CARNS1: variants seen among roughly 807,000 people sequenced by gnomAD.
CARNS1 encodes the protein ATP-grasp domain containing 1.
A neutral mutation model predicts 74.0 loss-of-function variants in CARNS1; 61 were observed. The ratio of observed to expected loss-of-function variants is 0.82; its 90% CI spans 0.67 to 1.02. CARNS1 has a LOEUF of 1.02. Ranked by LOEUF, CARNS1 falls within the 50% of genes least tolerant of loss-of-function variation. The probability of loss-of-function intolerance (pLI) is 0.00; values close to 1 mark genes in which losing one functional copy is unlikely to be tolerated. For missense variants in CARNS1, 1,278 were observed against 1,308.4 expected, an observed-to-expected ratio of 0.98 and a Z score of 0.36; for synonymous variants, 568 against 605.5, an observed-to-expected ratio of 0.94 and a Z score of 0.91.
chr11:67,419,540 G>A lies in CARNS1; in HGVS notation c.906G>A (p.Leu302=), dbSNP rs370411760. ...WRWRGRQAWR[L]HPRAELGAVV... is the part of the protein sequence containing the mutation. ...GGCGGGGGCGGCAGGCATGGCGTCT[G>A]CACCCGCGGGCAGAGCTGGGTGCAG... Residue 302 remains leucine, a synonymous_variant, in exon 6 of 10, where the codon CTG becomes CTA. Coordinates refer to ENST00000687366, the MANE Select transcript of CARNS1 (RefSeq NM_001166222.2). The A allele has an allele frequency of 2.1e-4, 334 of 1,607,890 alleles. No individual in the cohort carries two copies. Among genetic ancestry groups the A allele is most frequent in the Non-Finnish European group, 2.4e-4 (288 of 1,178,746 alleles).
intron 2 of CARNS1, chr11:67,417,013 G>A (rs1039115027): frequency 2.0e-6 from 2 of 1,005,410 alleles, no homozygotes; most frequent in African/African-American, 3.4e-5. Flanking sequence ...CTACTCTTCA[G>A]TCAACAAACA....
chr11:67,424,669 C>T lies in CARNS1; in HGVS notation c.*68C>T. The stretch of plus-strand genomic sequence containing the variant: ...CTGTGGTGCCCTCTGCTCCCTGGAG[C>T]TCTTCCTGCTTCTCTCCCCATCACC... On this transcript the variant is annotated 3_prime_UTR_variant, in exon 10 of 10. Transcript: ENST00000687366. The T allele has an allele frequency of 6.9e-7, 1 of 1,456,912 alleles. No individual in the cohort carries two copies. The highest frequency in any genetic ancestry group is 9.2e-7 in the Non-Finnish European group (1 of 1,092,784). 90.2% of individuals were successfully genotyped at this position (1,456,912 alleles called of 1,614,324 possible). A position where few individuals can be genotyped will look rare whatever the true frequency, so the allele number is the denominator to read the frequency against.
rs191718280 is a variant in CARNS1 at position 67,422,769 on chromosome 11, C to G, written c.1627-606C>G. 7.9e-5 allele frequency among the ~76,000 whole-genome samples: 12 copies of G among 152,348 alleles called. 2 individuals carry two copies. Among genetic ancestry groups the G allele is most frequent in the African/African-American group, 2.9e-4 (12 of 41,584 alleles). On this transcript the variant is annotated intron_variant, in intron 9 of 9. Transcript: ENST00000687366. ...CACCACCTCTGTGTCCCCTGCCTTGCTCAGTGTTTTCTCCACTTGGAATGT... is the reference window on the plus strand; with the variant it reads ...CACCACCTCTGTGTCCCCTGCCTTGGTCAGTGTTTTCTCCACTTGGAATGT...
intron 2 of CARNS1, 68 bp from the exon 3 acceptor site, chr11:67,417,339 C>T: frequency 3.1e-6 from 4 of 1,280,586 alleles, no homozygotes; most frequent in Non-Finnish European, 4.0e-6. Context: ...GGGGGGCTTA[C>T]ACCCTTGGGT....
Position 67,421,191 on chromosome 11 carries a change from G to C in CARNS1, c.1598G>C (p.Trp533Ser). The C allele has an allele frequency of 1.3e-6, 2 of 1,494,336 alleles. No individual in the cohort carries two copies. Among genetic ancestry groups the C allele is most frequent in the Non-Finnish European group, 1.8e-6 (2 of 1,128,022 alleles). The allele number at this position is 1,494,336 out of a possible 1,614,324, so 92.6% of individuals were successfully genotyped here. A position where few individuals can be genotyped will look rare whatever the true frequency, so the allele number is the denominator to read the frequency against. ...GGCGGCGTCAGCAAGAAGTTCGTGT[G>C]GGAGGCGGCGCGCGACTACGGGCTC... is the stretch of plus-strand genomic sequence containing the variant. ...GAGGVSKKFV[W>S]EAARDYGLQL... The change falls in exon 9 of 10, where the codon TGG becomes TCG. Residue 533 changes from tryptophan (W) to serine (S), a missense_variant. Trp to Ser is a radical substitution (Grantham distance 177). Around this residue, in one of 3 missense-constraint regions of CARNS1, gnomAD observed 1,164 missense variants for 1,156.5 expected, o/e 1.01. Transcript: ENST00000687366.
intron 9 of CARNS1, among the ~76,000 whole-genome samples, chr11:67,421,739 C>T (rs1863711359): frequency 6.6e-6 from 1 of 151,986 alleles, no homozygotes; most frequent in Non-Finnish European, 1.5e-5. Context: ...TTTGTTTTTT[C>T]TTTTTTGAGA....
chr11:67,423,702 T>G lies in CARNS1; in HGVS notation c.1954T>G (p.Cys652Gly). 6.3e-7 allele frequency: 1 copy of G among 1,582,986 alleles called. No homozygotes were observed. Among genetic ancestry groups the G allele is most frequent in the South Asian group, 1.1e-5 (1 of 88,008 alleles). ...TGCGCCCTCCCTCCATGCTGTGCCCTGCTGCCCACTGGAGAGTGAGGCTGA... is the reference window on the plus strand; with the variant it reads ...TGCGCCCTCCCTCCATGCTGTGCCCGGCTGCCCACTGGAGAGTGAGGCTGA... ...WPAPSLHAVP[C>G]CPLESEADVE... Residue 652 changes from cysteine (C) to glycine (G), a missense_variant, in exon 10 of 10, where the codon TGC (cysteine) becomes GGC (glycine). Coordinates refer to ENST00000687366, the MANE Select transcript of CARNS1 (RefSeq NM_001166222.2). The surrounding 1 kb of genome is among the most constrained non-coding windows in gnomAD (Gnocchi z 5.1).
In CARNS1 at chr11:67,420,673, T is replaced by C; in HGVS notation, c.1178T>C (p.Leu393Pro). 7.9e-7 allele frequency: 1 copy of C among 1,261,338 alleles called. No homozygotes were observed. The highest frequency in any genetic ancestry group is 9.9e-7 in the Non-Finnish European group (1 of 1,005,046). 78.1% of individuals were successfully genotyped at this position (1,261,338 alleles called of 1,614,324 possible). The change falls in exon 8 of 10, where the codon CTG becomes CCG. Residue 393 changes from leucine (L) to proline (P), a missense_variant. By Grantham distance (98) the Leu-to-Pro change is moderately conservative. Around this residue, in one of 3 missense-constraint regions of CARNS1, gnomAD observed 1,164 missense variants for 1,156.5 expected, o/e 1.01. Coordinates refer to ENST00000687366, the MANE Select transcript of CARNS1 (RefSeq NM_001166222.2). ...LRHHNSLPRT[L>P]EVALAQCGLG... is the part of the protein sequence containing the mutation. ...CACCACAACTCCCTGCCGAGGACGC[T>C]GGAGGTGGCGCTGGCCCAGTGCGGC...
chr11:67,416,626 G>T (rs1223685280), intron 2 of CARNS1: 2 of 1,009,458 alleles, frequency 2.0e-6, no homozygotes, highest in Middle Eastern at 1.0e-3. Context: ...GAGACCTCAC[G>T]ACTTGCTCAA....
In CARNS1 at chr11:67,418,737, T is replaced by C; in HGVS notation, c.365-19T>C. On this transcript the variant is annotated intron_variant, in intron 4 of 9. Transcript: ENST00000687366. ...CATCAAGCCTTCCCTGGCCAGCCAC[T>C]TGCCTTCTCTGCCCACAGGAAACAT... is the stretch of plus-strand genomic sequence containing the variant. 1 of 1,556,494 alleles carries C rather than the reference T, an allele frequency of 6.4e-7. No homozygotes were observed. The highest frequency in any genetic ancestry group is 8.7e-7 in the Non-Finnish European group (1 of 1,149,232).
chr11:67,419,583 G>T lies in CARNS1; in HGVS notation c.949G>T (p.Ala317Ser). 1 of 1,606,470 alleles carries T rather than the reference G, an allele frequency of 6.2e-7. No individual in the cohort carries two copies. Residue 317 changes from alanine to serine, a missense_variant, in exon 6 of 10, where the codon GCG (alanine) becomes TCG (serine). Coordinates refer to ENST00000687366, the MANE Select transcript of CARNS1 (RefSeq NM_001166222.2). ...GGGTGCAGTGGTGGACACAGTGCTG[G>T]CGCTGCTGGAGAAGCTGGAGGAGGA... ...ELGAVVDTVL[A>S]LLEKLEEEES...
chr11:67,421,883 A>G lies in CARNS1; in HGVS notation c.1626+664A>G, dbSNP rs899501341. ...GCTGAGACTACAGGCACGTGCCACC[A>G]TGCCCAGCTAATTTTTTTTTTTTGA... On this transcript the variant is annotated intron_variant, in intron 9 of 9. Transcript: ENST00000687366. Among the ~76,000 whole-genome samples the G allele has an allele frequency of 6.8e-4, 103 of 150,676 alleles. 2 individuals carry two copies. Among genetic ancestry groups the G allele is most frequent in the Non-Finnish European group, 1.6e-4 (11 of 67,722 alleles).
rs929630629 is a variant in CARNS1 at position 67,421,140 on chromosome 11, G to C, written c.1547G>C (p.Gly516Ala). The C allele has an allele frequency of 2.3e-5, 35 of 1,489,996 alleles. No homozygotes were observed. The East Asian group carries it at 9.4e-4, about 40-fold the overall frequency. The allele number at this position is 1,489,996 out of a possible 1,614,324, so 92.3% of individuals were successfully genotyped here. ...LRRSARCLME[G>A]KQLLVVGAGG... is the part of the protein sequence containing the mutation. ...CGGTCGGCGCGCTGCCTCATGGAGG[G>C]AAAACAGCTGCTGGTGGTCGGCGCT... Residue 516 changes from glycine to alanine, a missense_variant, in exon 9 of 10, where the codon GGA (glycine) becomes GCA (alanine). This residue lies in a region of CARNS1 where 1,164 missense variants were observed against 1,156.5 expected (regional missense o/e 1.01). Transcript: ENST00000687366.
In CARNS1 at chr11:67,423,738, G is replaced by A. The variant is rs774827246; in HGVS notation, c.1990G>A (p.Ala664Thr). 314 of 1,578,240 alleles carry A rather than the reference G, an allele frequency of 2.0e-4. No individual in the cohort carries two copies. The highest frequency in any genetic ancestry group is 2.5e-4 in the Non-Finnish European group (292 of 1,167,900). Residue 664 changes from alanine (A) to threonine (T), a missense_variant, in exon 10 of 10, where the codon GCC becomes ACC. By Grantham distance (58) the Ala-to-Thr change is moderately conservative (BLOSUM62 0). Coordinates refer to ENST00000687366, the MANE Select transcript of CARNS1 (RefSeq NM_001166222.2). The surrounding 1 kb of genome is among the most constrained non-coding windows in gnomAD (Gnocchi z 5.1). Reference sequence around the variant, plus strand: ...GGAGAGTGAGGCTGATGTGGAGAGGGCCGTGCACCAGGTACCCCTGCCAGG... The same window carrying A: ...GGAGAGTGAGGCTGATGTGGAGAGGACCGTGCACCAGGTACCCCTGCCAGG... Reference protein sequence around the residue: ...PLESEADVERAVHQVPLPGVM... With the variant: ...PLESEADVERTVHQVPLPGVM...
At chr11:67,419,961 C>G (rs1301593230) in intron 7 of CARNS1, 123 bp downstream of exon 7, 1 of 942,944 alleles carries the variant, frequency 1.1e-6, no homozygotes, top group South Asian at 1.5e-5. Context: ...TTAGGGGGGT[C>G]GTAGTTGCCT....
Position 67,424,033 on chromosome 11 carries a change from A to G in CARNS1, c.2285A>G (p.Glu762Gly). ...NGPTRLPGFT[E>G]TAACMPTGLA... ...CCTACGAGGCTGCCTGGCTTCACTG[A>G]GACGGCGGCCTGCATGCCCACCGGG... The change falls in exon 10 of 10, where the codon GAG becomes GGG. Residue 762 changes from glutamate to glycine, a missense_variant. This residue lies in a region of CARNS1 where 1,164 missense variants were observed against 1,156.5 expected (regional missense o/e 1.01). Transcript: ENST00000687366. The G allele has an allele frequency of 6.2e-7, 1 of 1,612,710 alleles. No individual in the cohort carries two copies.
At chr11:67,422,458 C>G (rs1033592175) in intron 9 of CARNS1, among the ~76,000 whole-genome samples, 2 of 152,100 alleles carry the variant, frequency 1.3e-5, no homozygotes, top group Admixed American at 6.5e-5. Context: ...ACTGGGATTA[C>G]AGGCGTGAGC....
rs562908900 is a variant in CARNS1, at chr11:67,416,790, T to G, written c.3+588T>G. On this transcript the variant is annotated intron_variant, in intron 2 of 9. Transcript: ENST00000687366. ...TCAGAGAGGGGAGGGACGTTAGGTT[T>G]CATCCAAAGAAAGCATTTCCGTGAC... 8.6e-5 allele frequency: 85 copies of G among 986,270 alleles called. No individual in the cohort carries two copies. In the African/African-American group the frequency reaches 1.3e-3, roughly 16 times the overall value. 61.1% of individuals were successfully genotyped at this position (986,270 alleles called of 1,614,324 possible).
Position 67,420,955 on chromosome 11 carries a change from G to C in CARNS1, c.1362G>C (p.Leu454=). 1.1e-5 allele frequency: 16 copies of C among 1,421,970 alleles called. No homozygotes were observed. Among genetic ancestry groups the C allele is most frequent in the Non-Finnish European group, 1.5e-5 (16 of 1,090,042 alleles). The allele number at this position is 1,421,970 out of a possible 1,614,324, so 88.1% of individuals were successfully genotyped here. The part of the protein sequence containing the change: ...HTDFLGVDFA[L]TAAGGVLTPV... ...CCGGCGCAGGCGTGGATTTCGCGCTGACAGCGGCCGGCGGCGTGCTGACCC... is the reference window on the plus strand; with the variant it reads ...CCGGCGCAGGCGTGGATTTCGCGCTCACAGCGGCCGGCGGCGTGCTGACCC... Residue 454 remains leucine, a synonymous_variant, in exon 9 of 10, where the codon CTG becomes CTC. Coordinates refer to ENST00000687366, the MANE Select transcript of CARNS1 (RefSeq NM_001166222.2).
Sources: gnomAD v4.1 joint callset for allele counts (sites outside exome capture counted in the v4.1 genomes callset) on GRCh38, gnomAD v4.1.1 for gene constraint, gnomAD v4.1.1 regional missense constraint, Gnocchi (gnomAD v3.1) non-coding constraint, MANE v1.5 for transcripts, NCBI Gene and HGNC (gene_info 2026-07-23, HGNC 2026-07-21) for gene names.